ZMYND12: variants seen among roughly 807,000 people sequenced by gnomAD.
The protein encoded by ZMYND12 is zinc finger MYND-type containing 12.
In ZMYND12, 32 loss-of-function variants were observed where a neutral mutation model predicts 41.7. That is an observed-to-expected ratio of 0.77 (90% CI 0.58 to 1.03). The LOEUF (loss-of-function observed/expected upper bound fraction) is 1.03. Among genes scored for constraint, ZMYND12 ranks in the 50% least tolerant of loss-of-function variants. The probability of loss-of-function intolerance (pLI) is 0.00; values close to 1 mark genes in which losing one functional copy is unlikely to be tolerated. For synonymous variants in ZMYND12, 148 were observed against 164.8 expected, an observed-to-expected ratio of 0.90 and a Z score of 0.78; for missense variants, 424 against 438.5, an observed-to-expected ratio of 0.97 and a Z score of 0.30.
intron 6 of ZMYND12, among the ~76,000 whole-genome samples, chr1:42,434,062 C>T (rs368087147): frequency 1.3e-5 from 2 of 152,270 alleles, no homozygotes. Flanking sequence ...AAGAGTCTTC[C>T]TTCTTCAACA....
intron 1 of ZMYND12, among the ~76,000 whole-genome samples, chr1:42,452,538 T>A (rs1003550294): frequency 4.6e-5 from 7 of 151,994 alleles, no homozygotes; most frequent in African/African-American, 1.7e-4. Flanking sequence ...CCGTCTCTAC[T>A]AAAAATACAA....
chr1:42,452,404 T>C (rs16829546), intron 1 of ZMYND12, among the ~76,000 whole-genome samples: 17,186 of 152,252 alleles, frequency 0.11, 1,228 homozygotes, highest in East Asian at 0.18. Context: ...TAGTATGTAC[T>C]TCCATAAAAT....
rs1164027778 is a variant in ZMYND12, at chr1:42,449,933, C to A, written c.237G>T (p.Gln79His). The change falls in exon 2 of 8, where the codon CAG becomes CAT. Residue 79 changes from glutamine to histidine, a missense_variant. By Grantham distance (24) the Gln-to-His change is conservative (BLOSUM62 0). Coordinates refer to ENST00000372565, the MANE Select transcript of ZMYND12 (RefSeq NM_032257.5). ...TAGGCCCTACCTGCCGCTGCTGCAG[C>A]TGCTGCAGGCCATGCTGCCGTTCTT... ...SEEERQHGLQ[Q>H]LQQRQKYLIE... The A allele has an allele frequency of 1.2e-6, 2 of 1,612,328 alleles. No individual in the cohort carries two copies. Among genetic ancestry groups the A allele is most frequent in the Admixed American group, 3.3e-5 (2 of 60,026 alleles).
At chr1:42,446,985 T>C (rs1643030520) in intron 3 of ZMYND12, among the ~76,000 whole-genome samples, 1 of 152,160 alleles carries the variant, frequency 6.6e-6, no homozygotes, top group Non-Finnish European at 1.5e-5. Flanking sequence ...AAATTAACGA[T>C]AGTAATGGAT....
intron 3 of ZMYND12, among the ~76,000 whole-genome samples, chr1:42,441,613 A>ATTGTT (rs149918890): frequency 0.37 from 55,069 of 150,404 alleles, 10,394 homozygotes; most frequent in East Asian, 0.59. Flanking sequence ...AACATCATGT[A>ATTGTT]TTGTTTTGTT....
intron 1 of ZMYND12, among the ~76,000 whole-genome samples, chr1:42,455,319 C>G (rs2148413042): frequency 6.6e-6 from 1 of 152,362 alleles, no homozygotes; most frequent in African/African-American, 2.4e-5. Context: ...GTTGCCCAAG[C>G]TGGAGTGCAG....
chr1:42,440,331 C>T (rs961868142), intron 3 of ZMYND12, among the ~76,000 whole-genome samples: 12 of 152,266 alleles, frequency 7.9e-5, no homozygotes, highest in Admixed American at 2.6e-4. Context: ...GTAGTGCTAC[C>T]TGCTATAATG....
intron 1 of ZMYND12, among the ~76,000 whole-genome samples, chr1:42,454,238 T>G (rs535051146): frequency 8.3e-4 from 127 of 152,238 alleles, no homozygotes; most frequent in African/African-American, 3.0e-3. Context: ...GGTAGAGAAA[T>G]AACCAGGGCC....
At chr1:42,454,789 C>T (rs999696503) in intron 1 of ZMYND12, among the ~76,000 whole-genome samples, 6 of 151,714 alleles carry the variant, frequency 4.0e-5, no homozygotes, top group Non-Finnish European at 8.8e-5. Context: ...CTGCAACCTC[C>T]GCCTCCCGGG....
intron 1 of ZMYND12, 92 bp downstream of exon 1, chr1:42,455,796 G>A (rs1443062588): frequency 9.3e-6 from 9 of 966,742 alleles, no homozygotes; most frequent in East Asian, 2.5e-5. Context: ...CAGAGTCAGG[G>A]GCAACGGCTA....
At chr1:42,452,575 T>C (rs528205264) in intron 1 of ZMYND12, among the ~76,000 whole-genome samples, 2 of 152,042 alleles carry the variant, frequency 1.3e-5, no homozygotes, top group East Asian at 1.9e-4. Flanking sequence ...TGGTGGCGCA[T>C]CCCTGTAATC....
Position 42,430,851 on chromosome 1 carries a change from T to G in ZMYND12, c.983A>C (p.Glu328Ala). ...TAGACTGAGGGCCCTCATGCCATAT[T>G]CCTGTGCCTGAAATAGAATTGCAGT... is the stretch of plus-strand genomic sequence containing the variant. ...YLMMNSSKAQ[E>A]YGMRALSLAK... Residue 328 changes from glutamate to alanine, a missense_variant, in exon 8 of 8, where the codon GAA (glutamate) becomes GCA (alanine). Glu to Ala is a moderately radical substitution (Grantham distance 107). Transcript: ENST00000372565. 1 of 1,614,168 alleles carries G rather than the reference T, an allele frequency of 6.2e-7. No individual in the cohort carries two copies. The highest frequency in any genetic ancestry group is 8.5e-7 in the Non-Finnish European group (1 of 1,180,008).
In ZMYND12 at chr1:42,447,960, C is replaced by T. The variant is rs140474349; in HGVS notation, c.424+507G>A. 2.3e-3 allele frequency among the ~76,000 whole-genome samples: 346 copies of T among 152,142 alleles called. 2 individuals are homozygous for T. The highest frequency in any genetic ancestry group is 7.9e-3 in the African/African-American group (327 of 41,496). On this transcript the variant is annotated intron_variant, in intron 3 of 7. Transcript: ENST00000372565. The stretch of plus-strand genomic sequence containing the variant: ...CATGTCAACAAAATTCTGTCTTCTA[C>T]GAATTTGTATTTGGAAATCAGAAGC...
At chr1:42,438,801 G>A (rs777997167) in intron 4 of ZMYND12, among the ~76,000 whole-genome samples, 1 of 152,202 alleles carries the variant, frequency 6.6e-6, no homozygotes, top group Non-Finnish European at 1.5e-5. Flanking sequence ...TTGGTGCAGA[G>A]GCCAGAAGAG....
At chr1:42,436,342 T>C in intron 5 of ZMYND12, 79 bp downstream of exon 5, 7 of 1,578,144 alleles carry the variant, frequency 4.4e-6, no homozygotes, top group Non-Finnish European at 4.3e-6. Flanking sequence ...AATGGTATGT[T>C]TTTCATGAAT....
At chr1:42,431,164 G>A (rs1642844753) in intron 7 of ZMYND12, among the ~76,000 whole-genome samples, 1 of 152,184 alleles carries the variant, frequency 6.6e-6, no homozygotes, top group Non-Finnish European at 1.5e-5. Context: ...TCACTGGAGG[G>A]CATAGAGGTG....
At chr1:42,433,765 C>A (rs955800574) in intron 6 of ZMYND12, among the ~76,000 whole-genome samples, 1 of 152,216 alleles carries the variant, frequency 6.6e-6, no homozygotes, top group Non-Finnish European at 1.5e-5. Flanking sequence ...TAAGCAACAA[C>A]CTTCATGCTT....
chr1:42,440,009 A>C lies in ZMYND12; in HGVS notation c.441T>G (p.Val147=). 6.2e-7 allele frequency: 1 copy of C among 1,611,192 alleles called. No individual in the cohort carries two copies. The highest frequency in any genetic ancestry group is 8.5e-7 in the Non-Finnish European group (1 of 1,179,142). ...CTTGGAATAGATATTCTTCAGCCTG[A>C]ACGATTCGGCCCAGACCTGCCCAAA... ...AEASLGLGRI[V]QAEEYLFQAQ... Residue 147 remains valine (V), a synonymous_variant, in exon 4 of 8, where the codon GTT becomes GTG. Transcript: ENST00000372565.
At chr1:42,455,748 T>C (rs1643161695) in intron 1 of ZMYND12, 140 bp downstream of exon 1, 3 of 615,106 alleles carry the variant, frequency 4.9e-6, no homozygotes, top group Non-Finnish European at 8.6e-6. Context: ...ACGGGAGTCT[T>C]AGGGGCCTGT....
Sources: allele counts gnomAD v4.1 joint callset (sites outside exome capture counted in the v4.1 genomes callset), GRCh38; gene constraint gnomAD v4.1.1; transcripts MANE v1.5; gene names NCBI Gene and HGNC (gene_info 2026-07-23, HGNC 2026-07-21).